The following PTPRM variants were observed in gnomAD, a reference collection of about 807,000 sequenced individuals.
PTPRM encodes the protein protein tyrosine phosphatase receptor type M.
In PTPRM, 47 loss-of-function variants were observed where a neutral mutation model predicts 186.7. That is an observed-to-expected ratio of 0.25 (90% CI 0.20 to 0.32). The LOEUF is 0.32. Among genes scored for constraint, PTPRM ranks in the 10% least tolerant of loss-of-function variants. The pLI, the probability that PTPRM is intolerant of heterozygous loss-of-function variation, is 1.00. For missense variants in PTPRM, 1,494 were observed against 1,865.0 expected, an observed-to-expected ratio of 0.80 and a Z score of 3.66; for synonymous variants, 668 against 674.9, an observed-to-expected ratio of 0.99 and a Z score of 0.16.
intron 20 of PTPRM, among the ~76,000 whole-genome samples, chr18:8,307,817 T>G (rs1010183732): frequency 6.7e-6 from 1 of 148,734 alleles, no homozygotes; most frequent in Non-Finnish European, 1.5e-5. Flanking sequence ...AAAAAAAAAA[T>G]AAAAATAAAA....
intron 7 of PTPRM, among the ~76,000 whole-genome samples, chr18:8,055,262 T>A (rs1349235820): frequency 6.6e-6 from 1 of 152,200 alleles, no homozygotes; most frequent in African/African-American, 2.4e-5. Context: ...CAATTAGACA[T>A]AGATACACCC....
intron 22 of PTPRM, among the ~76,000 whole-genome samples, chr18:8,340,032 T>C (rs2095465280): frequency 6.6e-6 from 1 of 150,982 alleles, no homozygotes; most frequent in African/African-American, 2.4e-5. Context: ...TTTGGAAAAA[T>C]GCCTGGAATC....
intron 11 of PTPRM, among the ~76,000 whole-genome samples, chr18:8,099,103 G>A (rs2091157720): frequency 6.6e-6 from 1 of 151,458 alleles, no homozygotes; most frequent in South Asian, 2.1e-4. Flanking sequence ...CCTCTGTCCT[G>A]CCTGCACACA....
intron 7 of PTPRM, among the ~76,000 whole-genome samples, chr18:7,963,634 A>G (rs891127748): frequency 6.6e-6 from 1 of 152,266 alleles, no homozygotes; most frequent in Non-Finnish European, 1.5e-5. Context: ...AATCAAGGGA[A>G]AGAGCTGGAG....
At chr18:8,299,119 T>A (rs1294729515) in intron 20 of PTPRM, among the ~76,000 whole-genome samples, 1 of 152,044 alleles carries the variant, frequency 6.6e-6, no homozygotes, top group Admixed American at 6.5e-5. Flanking sequence ...CCTTTAAACC[T>A]CCAGAGATCC....
chr18:8,312,266 C>T (rs1568724042), intron 20 of PTPRM, among the ~76,000 whole-genome samples: 1 of 151,630 alleles, frequency 6.6e-6, no homozygotes, highest in Non-Finnish European at 1.5e-5. Context: ...AAAGCCATAA[C>T]AATCTACACA....
chr18:7,641,420 A>G (rs1397332264), intron 1 of PTPRM, among the ~76,000 whole-genome samples: 1 of 152,236 alleles, frequency 6.6e-6, no homozygotes, highest in Admixed American at 6.5e-5. Context: ...AAAACTGCAT[A>G]ATATATCAAG....
intron 2 of PTPRM, among the ~76,000 whole-genome samples, chr18:7,885,151 C>T (rs991350608): frequency 1.3e-5 from 2 of 152,074 alleles, no homozygotes; most frequent in Admixed American, 1.3e-4. Context: ...CCCAAGGCCT[C>T]CACTTCTTCC....
At chr18:8,219,121 T>C (rs913735493) in intron 14 of PTPRM, among the ~76,000 whole-genome samples, 1 of 152,212 alleles carries the variant, frequency 6.6e-6, no homozygotes, top group Non-Finnish European at 1.5e-5. Context: ...TTAGAGTACA[T>C]TTAGGAACCA....
intron 7 of PTPRM, among the ~76,000 whole-genome samples, chr18:8,034,363 A>C (rs2086192503): frequency 6.6e-6 from 1 of 152,142 alleles, no homozygotes. Context: ...ACTCAAAAGT[A>C]CCAAGTTTCA....
At chr18:7,579,828 A>T (rs1482452437) in intron 1 of PTPRM, among the ~76,000 whole-genome samples, 3 of 152,192 alleles carry the variant, frequency 2.0e-5, no homozygotes, top group Non-Finnish European at 4.4e-5. Flanking sequence ...TCATTGAAAC[A>T]TGTGAACGTT....
At chr18:8,022,309 T>C (rs1024090556) in intron 7 of PTPRM, among the ~76,000 whole-genome samples, 1 of 152,234 alleles carries the variant, frequency 6.6e-6, no homozygotes, top group African/African-American at 2.4e-5. Context: ...ATGGCGCTTA[T>C]GTTGCTCTTG....
Position 7,662,832 on chromosome 18 carries a change from C to T in PTPRM, c.73+94941C>T, listed in dbSNP as rs147713358. On this transcript the variant is annotated intron_variant, in intron 1 of 32. Coordinates refer to ENST00000580170, the MANE Select transcript of PTPRM (RefSeq NM_001105244.2). Reference sequence around the variant, plus strand: ...ATCTCATGTATCCCATAAATATATACACCTATCAGTATGGATACCTATTAT... The same window carrying T: ...ATCTCATGTATCCCATAAATATATATACCTATCAGTATGGATACCTATTAT... Among the ~76,000 whole-genome samples, 645 of 152,162 alleles carry T rather than the reference C, an allele frequency of 4.2e-3. 4 individuals carry two copies. The highest frequency in any genetic ancestry group is 0.014 in the African/African-American group (576 of 41,508).
intron 11 of PTPRM, among the ~76,000 whole-genome samples, chr18:8,097,219 T>TA (rs2091056702): frequency 6.6e-6 from 1 of 152,218 alleles, no homozygotes; most frequent in African/African-American, 2.4e-5. Context: ...TTGTGAGGCT[T>TA]ACCTGTATTT....
intron 20 of PTPRM, among the ~76,000 whole-genome samples, chr18:8,307,518 T>A (rs1255034876): frequency 1.5e-4 from 23 of 152,226 alleles, no homozygotes; most frequent in Non-Finnish European, 4.4e-5. Flanking sequence ...TAGAAAGCTA[T>A]AGAGGCCAGG....
At chr18:7,570,978 C>T (rs1442731843) in intron 1 of PTPRM, among the ~76,000 whole-genome samples, 5 of 147,890 alleles carry the variant, frequency 3.4e-5, no homozygotes, top group Admixed American at 1.4e-4. Context: ...CTTGCTCTGT[C>T]GCCAGGCTGG....
At chr18:8,153,989 A>G (rs2093066905) in intron 14 of PTPRM, among the ~76,000 whole-genome samples, 1 of 152,196 alleles carries the variant, frequency 6.6e-6, no homozygotes, top group Admixed American at 6.5e-5. Flanking sequence ...GCCACTGGTG[A>G]CACTACTACG....
intron 2 of PTPRM, among the ~76,000 whole-genome samples, chr18:7,776,935 C>A (rs1267355712): frequency 6.6e-6 from 1 of 151,990 alleles, no homozygotes; most frequent in African/African-American, 2.4e-5. Context: ...GTATATACAG[C>A]CATAAGTTTT....
At chr18:7,587,170 G>A (rs78207130) in intron 1 of PTPRM, among the ~76,000 whole-genome samples, 6,258 of 152,082 alleles carry the variant, frequency 0.041, 148 homozygotes, top group South Asian at 0.085. Context: ...GTATGTAATC[G>A]AATCATTGTT....
Sources: gnomAD v4.1 joint callset for allele counts (sites outside exome capture counted in the v4.1 genomes callset) on GRCh38, gnomAD v4.1.1 for gene constraint, MANE v1.5 for transcripts, NCBI Gene and HGNC (gene_info 2026-07-23, HGNC 2026-07-21) for gene names.